DNAH14: variants seen among roughly 807,000 people sequenced by gnomAD.
DNAH14 encodes axonemal beta dynein heavy chain 14.
A neutral mutation model predicts 520.9 loss-of-function variants in DNAH14; 478 were observed. The ratio of observed to expected loss-of-function variants is 0.92; its 90% CI spans 0.85 to 0.99. The LOEUF is 0.99. DNAH14 is among the 50% of genes least tolerant of loss of function. DNAH14 has a pLI of 0.00. For missense variants in DNAH14, 4,831 were observed against 5,234.5 expected (o/e 0.92, Z 2.38); for synonymous variants, 1,581 against 1,757.2 (o/e 0.90, Z 2.51).
intron 5 of DNAH14, among the ~76,000 whole-genome samples, chr1:224,965,696 A>G (rs2061124916): frequency 6.6e-6 from 1 of 152,122 alleles, no homozygotes; most frequent in Non-Finnish European, 1.5e-5. Flanking sequence ...TTGAACCTAT[A>G]CACTCACCAT....
At chr1:225,336,136 TAGAC>T (rs1174158974) in intron 66 of DNAH14, among the ~76,000 whole-genome samples, 2 of 150,010 alleles carry the variant, frequency 1.3e-5, no homozygotes, top group African/African-American at 4.9e-5. Flanking sequence ...TGTGTATATG[TAGAC>T]AGACCTCAAG....
At chr1:225,044,016 G>T (rs1485555422) in intron 15 of DNAH14, 33 bp downstream of exon 15, 3 of 1,262,354 alleles carry the variant, frequency 2.4e-6, no homozygotes, top group Non-Finnish European at 3.3e-6. Context: ...GAAATGCATT[G>T]TCTTCTTTGG....
chr1:225,218,376 G>A lies in DNAH14; in HGVS notation c.6439+11156G>A, dbSNP rs928577476. Among the ~76,000 whole-genome samples the A allele has an allele frequency of 3.3e-5, 5 of 152,070 alleles. No individual in the cohort carries two copies. In the East Asian group the frequency reaches 9.7e-4, roughly 29 times the overall value. On this transcript the variant is annotated intron_variant, in intron 41 of 85. Coordinates refer to ENST00000682510, the MANE Select transcript of DNAH14 (RefSeq NM_001367479.1). The stretch of plus-strand genomic sequence containing the variant: ...CACAGACTGGCTCATTGGATAAAGA[G>A]TCAAGACCCATCAGTGTGCTGTATT...
chr1:225,170,381 C>T (rs367873774), intron 36 of DNAH14, among the ~76,000 whole-genome samples: 24 of 152,054 alleles, frequency 1.6e-4, no homozygotes, highest in African/African-American at 4.8e-4. Flanking sequence ...ACCCATCTCA[C>T]GTGCAGAGAC....
At chr1:225,008,088 C>T (rs1051376551) in intron 10 of DNAH14, among the ~76,000 whole-genome samples, 9 of 151,822 alleles carry the variant, frequency 5.9e-5, no homozygotes, top group Middle Eastern at 3.2e-3. Context: ...CCCAACCCCG[C>T]GACATGCCCC....
chr1:225,260,782 T>C (rs1035478461), intron 46 of DNAH14, among the ~76,000 whole-genome samples: 4 of 152,216 alleles, frequency 2.6e-5, no homozygotes, highest in Non-Finnish European at 1.5e-5. Flanking sequence ...ACACAAGATA[T>C]CTTTCCACTT....
chr1:225,171,697 A>G (rs182793136), intron 36 of DNAH14, among the ~76,000 whole-genome samples: 98 of 152,326 alleles, frequency 6.4e-4, no homozygotes, highest in African/African-American at 2.2e-3. Flanking sequence ...AGGTACAAGG[A>G]GGAGCTGGTA....
Position 225,043,899 on chromosome 1 carries a change from C to T in DNAH14, c.1828C>T (p.Pro610Ser). The change falls in exon 15 of 86, where the codon CCT (proline) becomes TCT (serine). Residue 610 changes from proline (P) to serine (S), a missense_variant. Coordinates refer to ENST00000682510, the MANE Select transcript of DNAH14 (RefSeq NM_001367479.1). ...TTTCTCTGTTAGATTTCCAGAATTTCCTACAAATCTCTTTATAGATCCCAA... is the reference window on the plus strand; with the variant it reads ...TTTCTCTGTTAGATTTCCAGAATTTTCTACAAATCTCTTTATAGATCCCAA... ...KYMYYEFPEF[P>S]TNLFIDPNRL... 2 of 1,526,050 alleles carry T rather than the reference C, an allele frequency of 1.3e-6. No individual in the cohort carries two copies. Among genetic ancestry groups the T allele is most frequent in the Non-Finnish European group, 1.8e-6 (2 of 1,128,730 alleles). 94.5% of individuals were successfully genotyped at this position (1,526,050 alleles called of 1,614,324 possible). A position where few individuals can be genotyped will look rare whatever the true frequency, so the allele number is the denominator to read the frequency against.
chr1:225,193,281 T>C (rs1232516318), intron 38 of DNAH14, among the ~76,000 whole-genome samples: 2 of 152,108 alleles, frequency 1.3e-5, no homozygotes, highest in Non-Finnish European at 2.9e-5. Context: ...ACAAAATTCA[T>C]CACAGAATAG....
At position 225,089,894 on chromosome 1, in the gene DNAH14, G is replaced by A. The variant is rs189657290; in HGVS notation, c.3573+4105G>A. On this transcript the variant is annotated intron_variant, in intron 21 of 85. Transcript: ENST00000682510. ...GAAAGACTGAACGCTTTTCCCCTAA[G>A]ATCAAGAATAAGGATGTTCTCCCTT... is the stretch of plus-strand genomic sequence containing the variant. Among the ~76,000 whole-genome samples, 9 of 152,190 alleles carry A rather than the reference G, an allele frequency of 5.9e-5. No homozygotes were observed. In the East Asian group the frequency reaches 7.7e-4, roughly 13 times the overall value.
chr1:225,258,868 A>G (rs562350991), intron 45 of DNAH14, among the ~76,000 whole-genome samples: 1 of 152,330 alleles, frequency 6.6e-6, no homozygotes, highest in East Asian at 1.9e-4. Context: ...TAGCATGAAC[A>G]TTAGATAAAA....
chr1:225,346,326 C>T lies in DNAH14; in HGVS notation c.11043C>T (p.Leu3681=), dbSNP rs1198243879. The change falls in exon 70 of 86, where the codon CTC becomes CTT. Residue 3681 remains leucine (L), a synonymous_variant. Transcript: ENST00000682510. The part of the protein sequence containing the change: ...KEPNLENEKN[L]LDKHIKSAID... ...CCAACCTGGAAAATGAGAAAAATCT[C>T]TTAGATAAGCATATTAAAAGTGCAA... 6.5e-7 allele frequency: 1 copy of T among 1,540,468 alleles called. No individual in the cohort carries two copies. The highest frequency in any genetic ancestry group is 8.7e-7 in the Non-Finnish European group (1 of 1,144,168).
At chr1:225,359,816 G>A (rs1343145711) in intron 74 of DNAH14, among the ~76,000 whole-genome samples, 1 of 152,214 alleles carries the variant, frequency 6.6e-6, no homozygotes, top group Non-Finnish European at 1.5e-5. Context: ...GATATCCAAA[G>A]TATTATACAA....
intron 22 of DNAH14, among the ~76,000 whole-genome samples, chr1:225,099,836 G>C (rs1184968647): frequency 6.6e-6 from 1 of 152,008 alleles, no homozygotes; most frequent in Non-Finnish European, 1.5e-5. Context: ...CATGACAGAG[G>C]GCATGCAAGA....
chr1:225,274,194 G>GTTTTTTGTTTTTT (rs1193834939), intron 52 of DNAH14, among the ~76,000 whole-genome samples: 1 of 120,352 alleles, frequency 8.3e-6, no homozygotes, highest in Admixed American at 8.7e-5. Context: ...ACCAGCATCT[G>GTTTTTTGTTTTTT]TTATTTTTTT....
intron 43 of DNAH14, 66 bp downstream of exon 43, chr1:225,240,888 C>A: frequency 8.6e-7 from 1 of 1,156,890 alleles, no homozygotes; most frequent in Non-Finnish European, 1.2e-6. Flanking sequence ...CAATGCTTGG[C>A]TTATAATGAT....
At position 225,338,128 on chromosome 1, in the gene DNAH14, G is replaced by A. The variant is rs553383812; in HGVS notation, c.10379G>A (p.Gly3460Glu). The A allele has an allele frequency of 4.5e-6, 7 of 1,551,748 alleles. No homozygotes were observed. In the Admixed American group the frequency reaches 1.2e-4, roughly 26 times the overall value. ...ILKKDIYQKK[G>E]HYFIRVGDAE... is the part of the protein sequence containing the mutation. The stretch of plus-strand genomic sequence containing the variant: ...AAAAAGGATATCTATCAGAAAAAAG[G>A]ACACTATTTCATAAGGGTTGGTGAT... Residue 3460 changes from glycine (G) to glutamate (E), a missense_variant, in exon 68 of 86, where the codon GGA becomes GAA. Physicochemically the swap from Gly to Glu is moderately conservative, Grantham distance 98 (BLOSUM62 -2). Transcript: ENST00000682510.
chr1:225,317,607 A>G (rs1574727833), intron 60 of DNAH14, among the ~76,000 whole-genome samples: 1 of 152,084 alleles, frequency 6.6e-6, no homozygotes, highest in East Asian at 1.9e-4. Flanking sequence ...TTGATTTTAT[A>G]CAACTCCCAG....
rs1321916764 is a variant in DNAH14 at position 225,097,119 on chromosome 1, A to T, written c.3575A>T (p.Asp1192Val). 1 of 1,545,844 alleles carries T rather than the reference A, an allele frequency of 6.5e-7. No homozygotes were observed. Among genetic ancestry groups the T allele is most frequent in the Admixed American group, 2.0e-5 (1 of 50,220 alleles). ...GTGTATATGTTTTTATCATTGTAGG[A>T]TCTTGTGAATGAATGGGATCAAAAC... ...KGSPHIGPIK[D>V]LVNEWDQNLT... Residue 1192 changes from aspartate (D) to valine (V), a missense_variant and splice_region_variant, in exon 22 of 86, where the codon GAT becomes GTT. Coordinates refer to ENST00000682510, the MANE Select transcript of DNAH14 (RefSeq NM_001367479.1).
Sources: allele counts gnomAD v4.1 joint callset (sites outside exome capture counted in the v4.1 genomes callset), GRCh38; gene constraint gnomAD v4.1.1; transcripts MANE v1.5; gene names NCBI Gene and HGNC (gene_info 2026-07-23, HGNC 2026-07-21).